The following RIF1 variants were observed in gnomAD, a reference collection of about 807,000 sequenced individuals.
RIF1 encodes the protein replication timing regulatory factor 1, also known as telomere-associated protein RIF1.
Under a neutral mutation model 247.1 loss-of-function variants are expected in RIF1, and 45 were observed. The ratio of observed to expected loss-of-function variants is 0.18; its 90% CI spans 0.14 to 0.23. The LOEUF (loss-of-function observed/expected upper bound fraction) is 0.23, where lower values mean the gene tolerates loss of function less well. RIF1 is among the 10% of genes least tolerant of loss of function. RIF1 has a pLI of 1.00. For synonymous variants in RIF1, 1,087 were observed against 978.8 expected (o/e 1.11, Z -2.06); for missense variants, 2,967 against 2,862.5 (o/e 1.04, Z -0.83).
intron 14 of RIF1, among the ~76,000 whole-genome samples, chr2:151,439,440 G>A (rs544938303): frequency 1.3e-4 from 20 of 151,998 alleles, no homozygotes; most frequent in Non-Finnish European, 2.4e-4. Context: ...CGAGGCGGGC[G>A]GATCACCTGA....
At chr2:151,423,967 C>T (rs1040949270) in intron 8 of RIF1, among the ~76,000 whole-genome samples, 1 of 152,212 alleles carries the variant, frequency 6.6e-6, no homozygotes, top group African/African-American at 2.4e-5. Flanking sequence ...CTGCCCTCCT[C>T]CTGCACCCAG....
At chr2:151,439,972 CAA>C (rs1165450117) in intron 14 of RIF1, 53 bp from the exon 15 acceptor site, 15,023 of 268,000 alleles carry the variant, frequency 0.056, no homozygotes, top group Middle Eastern at 0.082. Flanking sequence ...GACCCTGTCT[CAA>C]AAAAAAAAAA....
At chr2:151,485,664 G>T, downstream of RIF1, 1 of 1,209,084 alleles carries the variant, frequency 8.3e-7, no homozygotes, top group Non-Finnish European at 1.1e-6. Context: ...AAAACCATAG[G>T]CAGCTTGAGA....
rs2049181044 is a variant in RIF1 at position 151,481,845 on chromosome 2, C to T, written c.*6774C>T. The T allele has an allele frequency of 2.0e-5, 3 of 152,152 alleles. No individual in the cohort carries two copies. Among genetic ancestry groups the T allele is most frequent in the African/African-American group, 7.2e-5 (3 of 41,434 alleles). The allele number at this position is 152,152 out of a possible 1,614,324, so 9.4% of individuals were successfully genotyped here. Reference sequence around the variant, plus strand: ...GTGCGCTCATTATGAGAATCTAATACCCGATGATCTGAGGTGGAACAGTCT... The same window carrying T: ...GTGCGCTCATTATGAGAATCTAATATCCGATGATCTGAGGTGGAACAGTCT... On this transcript the variant is annotated 3_prime_UTR_variant, in exon 36 of 36. Coordinates refer to ENST00000444746, the MANE Select transcript of RIF1 (RefSeq NM_018151.5).
chr2:151,492,107 T>A, intron 9 of RIF1: 1 of 1,613,888 alleles, frequency 6.2e-7, no homozygotes, highest in East Asian at 2.2e-5. Context: ...CCTGTAATAG[T>A]CTCCTGATCT....
At chr2:151,444,884 T>G (rs902370722) in intron 18 of RIF1, among the ~76,000 whole-genome samples, 12 of 152,210 alleles carry the variant, frequency 7.9e-5, no homozygotes, top group African/African-American at 2.9e-4. Context: ...GGATTTATTC[T>G]CTCACCGTTC....
chr2:151,493,309 T>C, intron 9 of RIF1: 3 of 1,417,232 alleles, frequency 2.1e-6, no homozygotes, highest in Non-Finnish European at 3.0e-6. Context: ...TAAAATGTTA[T>C]TTTCCAAGTT....
intron 34 of RIF1, among the ~76,000 whole-genome samples, chr2:151,472,953 C>T (rs559330014): frequency 8.5e-5 from 13 of 152,138 alleles, no homozygotes; most frequent in Non-Finnish European, 1.5e-4. Context: ...ATGGTACCAG[C>T]TCCTCTTTGT....
chr2:151,451,110 A>G (rs539314255), intron 20 of RIF1, among the ~76,000 whole-genome samples: 1 of 152,340 alleles, frequency 6.6e-6, no homozygotes, highest in East Asian at 1.9e-4. Flanking sequence ...AAAGATTTGT[A>G]ATCATGTATG....
the RIF1 span, chr2:151,534,317 T>C: frequency 5.0e-6 from 8 of 1,612,832 alleles, no homozygotes; most frequent in East Asian, 1.3e-4. Flanking sequence ...CTCTGTATTT[T>C]TTCTGCTCAA....
At chr2:151,531,655 A>G in the RIF1 span, 2 of 701,532 alleles carry the variant, frequency 2.9e-6, no homozygotes, top group Non-Finnish European at 2.6e-6. Context: ...CCTGTGCATA[A>G]CAGGACATCT....
At chr2:151,444,404 G>T (rs1692881486) in intron 18 of RIF1, among the ~76,000 whole-genome samples, 1 of 152,204 alleles carries the variant, frequency 6.6e-6, no homozygotes. Flanking sequence ...CTGCCTCCCA[G>T]GTTGAAGCGA....
chr2:151,473,292 C>CTTTTTT (rs11305289), intron 34 of RIF1, among the ~76,000 whole-genome samples: 1 of 125,962 alleles, frequency 7.9e-6, no homozygotes, highest in East Asian at 2.3e-4. Flanking sequence ...AAATTGTATC[C>CTTTTTT]TTTTTTTTTT....
intron 33 of RIF1, 72 bp from the exon 34 acceptor site, chr2:151,469,634 TTGAAC>T: frequency 9.2e-7 from 1 of 1,092,336 alleles, no homozygotes; most frequent in Non-Finnish European, 1.2e-6. Context: ...AATGGGGAAA[TTGAAC>T]TGGATAAACC....
chr2:151,435,575 A>G lies in RIF1; in HGVS notation c.1190A>G (p.His397Arg). ...GGTTTAAATCCTATGACTCCTGTAC[A>G]CAAAGGTAAGAGGTAGATATTCTTG... ...SPGLNPMTPV[H>R]KGASSPYGAP... Residue 397 changes from histidine (H) to arginine (R), a missense_variant, in exon 11 of 36, where the codon CAC becomes CGC. His to Arg is a conservative substitution (Grantham distance 29, BLOSUM62 0). Coordinates refer to ENST00000444746, the MANE Select transcript of RIF1 (RefSeq NM_018151.5). 1.3e-6 allele frequency: 2 copies of G among 1,549,948 alleles called. No homozygotes were observed. Among genetic ancestry groups the G allele is most frequent in the Admixed American group, 1.7e-5 (1 of 59,842 alleles).
Position 151,479,927 on chromosome 2 carries a change from C to G in RIF1, c.*4856C>G, listed in dbSNP as rs1260017508. 6.6e-6 allele frequency: 1 copy of G among 152,156 alleles called. No individual in the cohort carries two copies. The highest frequency in any genetic ancestry group is 1.5e-5 in the Non-Finnish European group (1 of 68,008). The allele number at this position is 152,156 out of a possible 1,614,324, so 9.4% of individuals were successfully genotyped here. ...GTTAATAAGTATATTATGTGCCAGG[C>G]TTTACATATTGCTCTTTGCAAGTAG... On this transcript the variant is annotated 3_prime_UTR_variant, in exon 36 of 36. Coordinates refer to ENST00000444746, the MANE Select transcript of RIF1 (RefSeq NM_018151.5).
chr2:151,463,274 A>G lies in RIF1; in HGVS notation c.3754A>G (p.Asn1252Asp). 6.2e-7 allele frequency: 1 copy of G among 1,612,784 alleles called. No homozygotes were observed. The highest frequency in any genetic ancestry group is 8.5e-7 in the Non-Finnish European group (1 of 1,179,718). The change falls in exon 30 of 36, where the codon AAC becomes GAC. Residue 1252 changes from asparagine to aspartate, a missense_variant. Physicochemically the swap from Asn to Asp is conservative, Grantham distance 23 (BLOSUM62 1). Transcript: ENST00000444746. ...TTCATCAACTGTTACAGTGAAAAATAACCAGGAAACCATGATTAAAACAGA... is the reference window on the plus strand; with the variant it reads ...TTCATCAACTGTTACAGTGAAAAATGACCAGGAAACCATGATTAAAACAGA... ...NISSTVTVKN[N>D]QETMIKTDFL...
chr2:151,499,656 C>G (rs1661425680), intron 11 of RIF1: 2 of 302,056 alleles, frequency 6.6e-6, no homozygotes, highest in Non-Finnish European at 1.2e-5. Context: ...GAAAAAAATA[C>G]AAATAATTTC....
chr2:151,503,298 T>C, intron 12 of RIF1: 2 of 1,321,746 alleles, frequency 1.5e-6, no homozygotes, highest in Non-Finnish European at 1.1e-6. Flanking sequence ...TGGGTTATTG[T>C]GGTAAATTTT....
Sources: allele counts gnomAD v4.1 joint callset (sites outside exome capture counted in the v4.1 genomes callset), GRCh38; gene constraint gnomAD v4.1.1; transcripts MANE v1.5; gene names NCBI Gene and HGNC (gene_info 2026-07-23, HGNC 2026-07-21).